NEDD9: variants seen among roughly 807,000 people sequenced by gnomAD.
The protein encoded by NEDD9 is neural precursor cell expressed, developmentally down-regulated 9.
In NEDD9, 26 loss-of-function variants were observed where a neutral mutation model predicts 76.6. The ratio of observed to expected loss-of-function variants is 0.34; its 90% CI spans 0.25 to 0.47. NEDD9 has a LOEUF of 0.47. Among genes scored for constraint, NEDD9 ranks in the 20% least tolerant of loss-of-function variants. NEDD9 has a pLI of 1.00. For synonymous variants in NEDD9, 392 were observed against 414.2 expected, an observed-to-expected ratio of 0.95 and a Z score of 0.65; for missense variants, 937 against 1,058.5, an observed-to-expected ratio of 0.89 and a Z score of 1.59.
chr6:11,335,752 T>A (rs34350240), intron 1 of NEDD9, among the ~76,000 whole-genome samples: 44,081 of 152,164 alleles, frequency 0.29, 7,705 homozygotes, highest in Middle Eastern at 0.44. Context: ...TTGATAGTAA[T>A]TGTTCCTATT....
intron 1 of NEDD9, among the ~76,000 whole-genome samples, chr6:11,342,912 T>C (rs1026599339): frequency 1.3e-5 from 2 of 152,170 alleles, no homozygotes; most frequent in Non-Finnish European, 2.9e-5. Flanking sequence ...AAAACTAACC[T>C]ATAATGATGT....
chr6:11,318,441 G>A (rs896864026), intron 2 of NEDD9, among the ~76,000 whole-genome samples: 40 of 152,220 alleles, frequency 2.6e-4, no homozygotes, highest in Non-Finnish European at 1.0e-4. Context: ...GAGACGGCGG[G>A]TCACTGCATC....
intron 3 of NEDD9, among the ~76,000 whole-genome samples, chr6:11,269,054 G>A (rs186594306): frequency 1.3e-5 from 2 of 152,280 alleles, no homozygotes; most frequent in African/African-American, 4.8e-5. Flanking sequence ...AACGTTTGAG[G>A]TTAACTGCAA....
chr6:11,197,478 G>A (rs1460506149), intron 2 of NEDD9, among the ~76,000 whole-genome samples: 1 of 152,142 alleles, frequency 6.6e-6, no homozygotes, highest in African/African-American at 2.4e-5. Context: ...GTCCCTAGGA[G>A]GAATCCAACC....
At chr6:11,340,890 A>C (rs1350543168) in intron 1 of NEDD9, among the ~76,000 whole-genome samples, 1 of 152,188 alleles carries the variant, frequency 6.6e-6, no homozygotes, top group Non-Finnish European at 1.5e-5. Context: ...ATAATGGCCT[A>C]TGAAGCCAAA....
chr6:11,319,432 ACT>A (rs1206128442), intron 2 of NEDD9, among the ~76,000 whole-genome samples: 14 of 151,782 alleles, frequency 9.2e-5, no homozygotes, highest in South Asian at 2.1e-4. Flanking sequence ...ACACATGCAC[ACT>A]CACACACTAA....
intron 1 of NEDD9, among the ~76,000 whole-genome samples, chr6:11,214,752 C>T (rs1581961559): frequency 6.6e-6 from 1 of 152,192 alleles, no homozygotes; most frequent in Non-Finnish European, 1.5e-5. Flanking sequence ...CAGAGCACAG[C>T]GAAGTCGGGG....
At chr6:11,255,131 G>C (rs1220470102) in intron 3 of NEDD9, among the ~76,000 whole-genome samples, 1 of 152,152 alleles carries the variant, frequency 6.6e-6, no homozygotes, top group Non-Finnish European at 1.5e-5. Context: ...ATGAGAGAAG[G>C]GTTCATGGAG....
chr6:11,285,420 A>T (rs1760626617), intron 3 of NEDD9, among the ~76,000 whole-genome samples: 1 of 152,228 alleles, frequency 6.6e-6, no homozygotes, highest in South Asian at 2.1e-4. Flanking sequence ...TTCTTCCTAA[A>T]TTGATTTATA....
At chr6:11,189,563 G>A (rs148780619) in intron 5 of NEDD9, among the ~76,000 whole-genome samples, 127 of 152,152 alleles carry the variant, frequency 8.3e-4, no homozygotes, top group African/African-American at 3.0e-3. Flanking sequence ...ATATTGCATG[G>A]AACTATACAT....
Position 11,352,964 on chromosome 6 carries a change from C to A in NEDD9, c.-213-18403G>T, listed in dbSNP as rs191918229. Among the ~76,000 whole-genome samples, 3 of 152,244 alleles carry A rather than the reference C, an allele frequency of 2.0e-5. No homozygotes were observed. The South Asian group carries it at 6.2e-4, about 31-fold the overall frequency. Reference sequence around the variant, plus strand: ...AAAAGCACATGTGGCACACAGTAGGCTCTTCAAGCACAAATGTGTCCTTGG... The same window carrying A: ...AAAAGCACATGTGGCACACAGTAGGATCTTCAAGCACAAATGTGTCCTTGG... On this transcript the variant is annotated intron_variant, in intron 1 of 3. Transcript: ENST00000397378.
At chr6:11,365,904 T>C (rs1463085572) in intron 1 of NEDD9, among the ~76,000 whole-genome samples, 1 of 152,068 alleles carries the variant, frequency 6.6e-6, no homozygotes, top group East Asian at 1.9e-4. Context: ...GGCTGGAGAA[T>C]CACTTGAGCC....
intron 1 of NEDD9, among the ~76,000 whole-genome samples, chr6:11,349,156 A>T (rs1582042658): frequency 1.3e-5 from 2 of 152,366 alleles, no homozygotes; most frequent in Middle Eastern, 6.8e-3. Context: ...GTGACCAACA[A>T]GCATATGAAA....
intron 1 of NEDD9, among the ~76,000 whole-genome samples, chr6:11,220,571 C>T (rs1183915129): frequency 6.6e-6 from 1 of 152,202 alleles, no homozygotes; most frequent in Non-Finnish European, 1.5e-5. Flanking sequence ...GGAATCTTAA[C>T]ATCTCTTCCA....
intron 1 of NEDD9, among the ~76,000 whole-genome samples, chr6:11,371,502 G>A (rs1227043564): frequency 2.0e-5 from 3 of 152,098 alleles, no homozygotes; most frequent in Non-Finnish European, 2.9e-5. Flanking sequence ...TTTCCAGAAC[G>A]TTCTAGTTAG....
chr6:11,218,757 C>G lies in NEDD9; in HGVS notation c.13-5030G>C, dbSNP rs183866776. 2.6e-3 allele frequency among the ~76,000 whole-genome samples: 397 copies of G among 152,142 alleles called. 1 individual carries two copies. The highest frequency in any genetic ancestry group is 3.7e-3 in the Non-Finnish European group (249 of 68,018). ...GATGGAAGTGGGGAAAATGAATGAA[C>G]CAGAAAGAGAAATGTCATGTCCAAG... On this transcript the variant is annotated intron_variant, in intron 1 of 6. Transcript: ENST00000379446.
chr6:11,338,330 G>C (rs1023283427), intron 1 of NEDD9, among the ~76,000 whole-genome samples: 3 of 152,166 alleles, frequency 2.0e-5, no homozygotes, highest in African/African-American at 7.2e-5. Flanking sequence ...GAGAGCCACA[G>C]GTTCTCCCTT....
intron 3 of NEDD9, among the ~76,000 whole-genome samples, chr6:11,296,651 CTTCCT>C (rs147179730): frequency 0.035 from 4,472 of 128,948 alleles, 178 homozygotes; most frequent in Middle Eastern, 0.061. Flanking sequence ...CCTTTCCTTC[CTTCCT>C]TTCCTTTCCT....
chr6:11,248,855 T>C (rs1047965047), intron 3 of NEDD9: 11 of 338,772 alleles, frequency 3.2e-5, no homozygotes, highest in African/African-American at 2.1e-4. Context: ...ACAGTACTGG[T>C]ATCTGAGGAC....
Sources: allele counts gnomAD v4.1 joint callset (sites outside exome capture counted in the v4.1 genomes callset), GRCh38; gene constraint gnomAD v4.1.1; transcripts MANE v1.5; gene names NCBI Gene and HGNC (gene_info 2026-07-23, HGNC 2026-07-21).